Variants in WNT2 observed in about 807,000 individuals in gnomAD.
WNT2 encodes protein Wnt-2.
In WNT2, 12 loss-of-function variants were observed where a neutral mutation model predicts 36.9. The observed-to-expected ratio is 0.33, with a 90% CI of 0.21 to 0.53. The LOEUF (loss-of-function observed/expected upper bound fraction) is 0.53, where lower values mean the gene tolerates loss of function less well. WNT2 is among the 20% of genes least tolerant of loss of function. The pLI, the probability that WNT2 is intolerant of heterozygous loss-of-function variation, is 0.95. For synonymous variants in WNT2, 163 were observed against 174.6 expected (o/e 0.93, Z 0.52); for missense variants, 379 against 473.1 (o/e 0.80, Z 1.84).
chr7:117,320,482 A>T, intron 2 of WNT2, 85 bp downstream of exon 2: 1 of 1,315,382 alleles, frequency 7.6e-7, no homozygotes, highest in Non-Finnish European at 1.1e-6. Flanking sequence ...AATGCAATAG[A>T]AGATAAGCAG....
At chr7:117,297,398 G>C (rs1706131635) in intron 4 of WNT2, among the ~76,000 whole-genome samples, 1 of 151,996 alleles carries the variant, frequency 6.6e-6, no homozygotes, top group South Asian at 2.1e-4. Context: ...TTGAACTCCT[G>C]AGCTCAAGCA....
At chr7:117,283,256 G>A (rs567365978) in intron 4 of WNT2, among the ~76,000 whole-genome samples, 28 of 152,094 alleles carry the variant, frequency 1.8e-4, no homozygotes, top group Non-Finnish European at 3.1e-4. Context: ...ACCCCCAGTG[G>A]GTGTGAAAAG....
At chr7:117,297,133 A>T (rs1236102794) in intron 4 of WNT2, among the ~76,000 whole-genome samples, 1 of 152,104 alleles carries the variant, frequency 6.6e-6, no homozygotes, top group Admixed American at 6.5e-5. Flanking sequence ...GCGTATCTTG[A>T]CTTTTTGCCC....
rs1403544537 is a variant in WNT2, at chr7:117,276,179, A to G, written c.*1976T>C. 2.0e-5 allele frequency among the ~76,000 whole-genome samples: 3 copies of G among 152,228 alleles called. No individual in the cohort carries two copies. The highest frequency in any genetic ancestry group is 4.4e-5 in the Non-Finnish European group (3 of 68,052). On this transcript the variant is annotated 3_prime_UTR_variant, in exon 5 of 5. Transcript: ENST00000265441. ...GGTCTCAATTTCCCCAAACTAAAGG[A>G]AGCTGAGATGTCTCCTAAGATCCTT...
chr7:117,299,907 A>G (rs996280453), intron 3 of WNT2, among the ~76,000 whole-genome samples: 2 of 152,342 alleles, frequency 1.3e-5, no homozygotes, highest in Non-Finnish European at 2.9e-5. Flanking sequence ...TCTTAAAAAT[A>G]ACATTATAAA....
chr7:117,315,489 C>A, intron 2 of WNT2, 141 bp from the exon 3 acceptor site: 2 of 889,398 alleles, frequency 2.2e-6, no homozygotes, highest in South Asian at 1.8e-5. Flanking sequence ...TTGAAGGGTT[C>A]TTTTCTAGAG....
chr7:117,303,580 C>T (rs182506313), intron 3 of WNT2, among the ~76,000 whole-genome samples: 2 of 152,270 alleles, frequency 1.3e-5, no homozygotes, highest in Admixed American at 1.3e-4. Flanking sequence ...GTTTCCCATG[C>T]ACAGCCGCTG....
intron 3 of WNT2, among the ~76,000 whole-genome samples, chr7:117,308,403 T>TA (rs538248916): frequency 1.3e-5 from 2 of 152,206 alleles, no homozygotes; most frequent in Non-Finnish European, 2.9e-5. Context: ...GAGGCAAGTC[T>TA]AAAAAACATT....
chr7:117,299,494 CT>C (rs113776491), intron 3 of WNT2, among the ~76,000 whole-genome samples: 25,193 of 138,600 alleles, frequency 0.18, 2,301 homozygotes, highest in East Asian at 0.42. Context: ...TTCTTTCTTT[CT>C]TTTTTTTTTT....
At chr7:117,307,163 A>G (rs1795030682) in intron 3 of WNT2, among the ~76,000 whole-genome samples, 1 of 152,182 alleles carries the variant, frequency 6.6e-6, no homozygotes, top group African/African-American at 2.4e-5. Context: ...AAATACATGC[A>G]TTGTGTAGGC....
In WNT2 at chr7:117,322,857, G is replaced by A; in HGVS notation, c.83+50C>T. 1 of 1,581,566 alleles carries A rather than the reference G, an allele frequency of 6.3e-7. No individual in the cohort carries two copies. ...AGGAAGGGTCTATGTGGCCAATGCG[G>A]TCCCCATTCCGATCTCCAAAATCCC... On this transcript the variant is annotated intron_variant, in intron 1 of 4. Coordinates refer to ENST00000265441, the MANE Select transcript of WNT2 (RefSeq NM_003391.3). This position sits in a 1 kb window ranked among gnomAD's most constrained non-coding sequence, Gnocchi z 5.4.
rs1215640514 is a variant in WNT2 at position 117,320,541 on chromosome 7, G to C, written c.310+26C>G. 3.1e-6 allele frequency: 5 copies of C among 1,600,664 alleles called. No individual in the cohort carries two copies. In the Admixed American group the frequency reaches 6.8e-5, roughly 22 times the overall value. ...AGCTGTGCATGAGTGGAGAGCCATA[G>C]GGCTGGGTGAAGGCAGGAGACTTAC... is the stretch of plus-strand genomic sequence containing the variant. On this transcript the variant is annotated intron_variant, in intron 2 of 4. Transcript: ENST00000265441.
intron 2 of WNT2, among the ~76,000 whole-genome samples, chr7:117,316,927 A>T (rs1795231742): frequency 6.6e-6 from 1 of 152,218 alleles, no homozygotes; most frequent in Non-Finnish European, 1.5e-5. Context: ...CGACTAATAC[A>T]TGCTAATGTG....
At position 117,278,190 on chromosome 7, in the gene WNT2, C is replaced by T; in HGVS notation, c.1048G>A (p.Ala350Thr). 6.2e-7 allele frequency: 1 copy of T among 1,614,188 alleles called. No homozygotes were observed. Among genetic ancestry groups the T allele is most frequent in the Non-Finnish European group, 8.5e-7 (1 of 1,180,020 alleles). The change falls in exon 5 of 5, where the codon GCC becomes ACC. Residue 350 changes from alanine (A) to threonine (T), a missense_variant. Physicochemically the swap from Ala to Thr is moderately conservative, Grantham distance 58. Transcript: ENST00000265441. ...GTTGTCCAGTCAGCGTTCTTGGGGG[C>T]CTTGCATGTGTGCACATCCAGAGCT... is the stretch of plus-strand genomic sequence containing the variant. ...LEALDVHTCK[A>T]PKNADWTTAT
intron 4 of WNT2, 134 bp from the exon 5 acceptor site, chr7:117,278,518 C>A (rs1456295982): frequency 3.5e-6 from 3 of 862,618 alleles, no homozygotes; most frequent in Non-Finnish European, 5.3e-6. Context: ...GGCTGTTATA[C>A]TCGTTCTGTG....
rs1326684575 is a variant in WNT2, at chr7:117,278,168, G to A, written c.1070C>T (p.Thr357Ile). 2 of 1,614,240 alleles carry A rather than the reference G, an allele frequency of 1.2e-6. No individual in the cohort carries two copies. Among genetic ancestry groups the A allele is most frequent in the Admixed American group, 1.7e-5 (1 of 60,034 alleles). ...TCKAPKNADWTTAT is the reference protein window; with the variant it reads ...TCKAPKNADWITAT ...CGCCTGCTGGGGTCATGTAGCGGTTGTCCAGTCAGCGTTCTTGGGGGCCTT... is the reference window on the plus strand; with the variant it reads ...CGCCTGCTGGGGTCATGTAGCGGTTATCCAGTCAGCGTTCTTGGGGGCCTT... Residue 357 changes from threonine (T) to isoleucine (I), a missense_variant, in exon 5 of 5, where the codon ACA becomes ATA. Thr to Ile is a moderately conservative substitution (Grantham distance 89). Coordinates refer to ENST00000265441, the MANE Select transcript of WNT2 (RefSeq NM_003391.3).
In WNT2 at chr7:117,322,843, A is replaced by C; in HGVS notation, c.83+64T>G. The stretch of plus-strand genomic sequence containing the variant: ...GGGGGAACGCAGCCAGGAAGGGTCT[A>C]TGTGGCCAATGCGGTCCCCATTCCG... On this transcript the variant is annotated intron_variant, in intron 1 of 4. Transcript: ENST00000265441. The surrounding 1 kb of genome is among the most constrained non-coding windows in gnomAD (Gnocchi z 5.4). 6.5e-7 allele frequency: 1 copy of C among 1,535,894 alleles called. No homozygotes were observed. The highest frequency in any genetic ancestry group is 9.0e-7 in the Non-Finnish European group (1 of 1,112,804).
Position 117,315,250 on chromosome 7 carries a change from A to G in WNT2, c.409T>C (p.Cys137Arg). 6.2e-7 allele frequency: 1 copy of G among 1,614,206 alleles called. No individual in the cohort carries two copies. The highest frequency in any genetic ancestry group is 8.5e-7 in the Non-Finnish European group (1 of 1,180,010). The change falls in exon 3 of 5, where the codon TGT (cysteine) becomes CGT (arginine). Residue 137 changes from cysteine (C) to arginine (R), a missense_variant. Cys to Arg is a radical substitution (Grantham distance 180). Transcript: ENST00000265441. ...CSQGEVKSCS[C>R]DPKKMGSAKD... ...GCGCTTCCCATCTTCTTTGGATCAC[A>G]GGAACAGGATTTTACTTCTCCTTGG...
intron 4 of WNT2, among the ~76,000 whole-genome samples, chr7:117,288,578 T>C (rs1274026421): frequency 2.0e-5 from 3 of 152,242 alleles, no homozygotes; most frequent in African/African-American, 7.2e-5. Context: ...TAATTGGTAA[T>C]TCGAAATGAG....
Sources: gnomAD v4.1 joint callset for allele counts (sites outside exome capture counted in the v4.1 genomes callset) on GRCh38, gnomAD v4.1.1 for gene constraint, Gnocchi (gnomAD v3.1) non-coding constraint, MANE v1.5 for transcripts, NCBI Gene and HGNC (gene_info 2026-07-23, HGNC 2026-07-21) for gene names.